NAA50: variants seen among roughly 807,000 people sequenced by gnomAD.
NAA50 encodes N-alpha-acetyltransferase 50, NatE catalytic subunit, also known as N-alpha-acetyltransferase 50.
Under a neutral mutation model 20.7 loss-of-function variants are expected in NAA50, and 7 were observed. The observed-to-expected ratio is 0.34, with a 90% confidence interval of 0.19 to 0.63. The LOEUF (loss-of-function observed/expected upper bound fraction) is 0.63. Ranked by LOEUF, NAA50 falls within the 30% of genes least tolerant of loss-of-function variation. NAA50 has a pLI of 0.75. For synonymous variants in NAA50, 54 were observed against 70.6 expected (o/e 0.77, Z 1.18); for missense variants, 111 against 199.1 (o/e 0.56, Z 2.66).
chr3:113,729,505 TAA>T lies in NAA50; in HGVS notation c.9-5412_9-5411del, dbSNP rs566996626. Among the ~76,000 whole-genome samples, 338 of 152,160 alleles carry T rather than the reference TAA, an allele frequency of 2.2e-3. 2 individuals carry two copies. The highest frequency in any genetic ancestry group is 4.1e-3 in the Non-Finnish European group (278 of 68,004). ...TTTTTGCTGGCAATACTCCTTGTTT[TAA>T]AGTCTACTTTGTTCATTAATACGCA... On this transcript the variant is annotated intron_variant, in intron 1 of 4. Coordinates refer to ENST00000240922, the MANE Select transcript of NAA50 (RefSeq NM_025146.4).
chr3:113,743,542 C>T (rs924982087), intron 1 of NAA50, among the ~76,000 whole-genome samples: 2 of 152,120 alleles, frequency 1.3e-5, no homozygotes, highest in African/African-American at 2.4e-5. Context: ...TCCGAACAAG[C>T]ACAAGTAAGA....
chr3:113,722,256 GA>G (rs34051587), intron 4 of NAA50, among the ~76,000 whole-genome samples: 4 of 151,348 alleles, frequency 2.6e-5, no homozygotes, highest in African/African-American at 7.3e-5. Flanking sequence ...TTAACACACA[GA>G]AAAAAAATGA....
intron 1 of NAA50, among the ~76,000 whole-genome samples, chr3:113,732,370 A>AGG (rs1281235364): frequency 2.0e-5 from 3 of 152,214 alleles, no homozygotes. Flanking sequence ...ATTCTTCTCA[A>AGG]GGGCCTCTAG....
At chr3:113,731,817 A>C (rs200588748) in intron 1 of NAA50, among the ~76,000 whole-genome samples, 2 of 152,200 alleles carry the variant, frequency 1.3e-5, no homozygotes, top group Non-Finnish European at 2.9e-5. Flanking sequence ...ATTGCTGAAT[A>C]GTATTCTATT....
chr3:113,746,120 A>G lies in NAA50; in HGVS notation c.-171T>C. Reference sequence around the variant, plus strand: ...GCCGCGAGAGTCGAGTGAGGGCTTGAGTCTGGTGGGGGCGGGAGTGTCTCC... The same window carrying G: ...GCCGCGAGAGTCGAGTGAGGGCTTGGGTCTGGTGGGGGCGGGAGTGTCTCC... On this transcript the variant is annotated 5_prime_UTR_variant, in exon 1 of 5. Coordinates refer to ENST00000240922, the MANE Select transcript of NAA50 (RefSeq NM_025146.4). 1 of 783,246 alleles carries G rather than the reference A, an allele frequency of 1.3e-6. No homozygotes were observed. The allele number at this position is 783,246 out of a possible 1,614,324, so 48.5% of individuals were successfully genotyped here.
chr3:113,733,881 G>GA lies in NAA50; in HGVS notation c.9-9787dup, dbSNP rs1468168845. Among the ~76,000 whole-genome samples the GA allele has an allele frequency of 5.2e-4, 68 of 130,358 alleles. 1 individual carries two copies. The highest frequency in any genetic ancestry group is 1.8e-3 in the African/African-American group (62 of 33,876). The allele number at this position is 130,358 out of a possible 152,430, so 85.5% of individuals were successfully genotyped here. A position where few individuals can be genotyped will look rare whatever the true frequency, so the allele number is the denominator to read the frequency against. ...AAAAAAAAAAAAAAAAAAAAAGACA[G>GA]AAAAAATATTCATATTAAATATTAA... On this transcript the variant is annotated intron_variant, in intron 1 of 4. Coordinates refer to ENST00000240922, the MANE Select transcript of NAA50 (RefSeq NM_025146.4).
At chr3:113,727,281 T>A (rs1207601532) in intron 1 of NAA50, among the ~76,000 whole-genome samples, 3 of 152,214 alleles carry the variant, frequency 2.0e-5, no homozygotes, top group Non-Finnish European at 4.4e-5. Context: ...AATTACATTA[T>A]GAAGTTGAAG....
chr3:113,734,847 A>C (rs1207002025), intron 1 of NAA50, among the ~76,000 whole-genome samples: 3 of 152,108 alleles, frequency 2.0e-5, no homozygotes, highest in Admixed American at 2.0e-4. Context: ...TTTTTTTTCC[A>C]TCAAAACTAG....
At chr3:113,729,546 CTTT>C (rs564619731) in intron 1 of NAA50, among the ~76,000 whole-genome samples, 1 of 94,438 alleles carries the variant, frequency 1.1e-5, no homozygotes. Flanking sequence ...TTCTTTCTTT[CTTT>C]TTTTTTTTTT....
chr3:113,729,475 T>C (rs1421857494), intron 1 of NAA50, among the ~76,000 whole-genome samples: 8 of 152,242 alleles, frequency 5.3e-5, no homozygotes, highest in African/African-American at 1.7e-4. Flanking sequence ...CATTTTGAAA[T>C]ATCCTTTTTG....
rs1267569597 is a variant in NAA50 at position 113,718,307 on chromosome 3, T to C, written c.*3453A>G. On this transcript the variant is annotated 3_prime_UTR_variant, in exon 5 of 5. Transcript: ENST00000240922. ...GTCAAGCTTCAAGATGGTACAGTCC[T>C]GGCTAACAGCTTGACTGCAACCTTC... 6.6e-6 allele frequency: 1 copy of C among 152,202 alleles called. No homozygotes were observed. Among genetic ancestry groups the C allele is most frequent in the Non-Finnish European group, 1.5e-5 (1 of 68,036 alleles). The allele number at this position is 152,202 out of a possible 1,614,324, so 9.4% of individuals were successfully genotyped here.
At chr3:113,740,044 T>C (rs1249172819) in intron 1 of NAA50, among the ~76,000 whole-genome samples, 2 of 152,048 alleles carry the variant, frequency 1.3e-5, no homozygotes, top group South Asian at 4.1e-4. Context: ...AGTATCCACA[T>C]TTACAAGAGG....
chr3:113,723,837 C>A (rs1231446842), intron 2 of NAA50, 122 bp downstream of exon 2: 4 of 1,127,416 alleles, frequency 3.5e-6, no homozygotes, highest in Non-Finnish European at 4.8e-6. Context: ...AGACCACTCC[C>A]ATTTCCTCAC....
Position 113,723,408 on chromosome 3 carries a change from C to A in NAA50, c.265+14G>T, listed in dbSNP as rs776610154. ...ATGCTTCTCTGAAGAAGTAAAAAAA[C>A]CACAATTTTTTACCTATTCCTAGCC... On this transcript the variant is annotated intron_variant, in intron 3 of 4. Transcript: ENST00000240922. 31 of 1,592,520 alleles carry A rather than the reference C, an allele frequency of 1.9e-5. No individual in the cohort carries two copies. The highest frequency in any genetic ancestry group is 1.7e-4 in the Middle Eastern group (1 of 5,944).
intron 1 of NAA50, among the ~76,000 whole-genome samples, chr3:113,731,516 G>A (rs202064450): frequency 1.3e-5 from 2 of 151,732 alleles, no homozygotes; most frequent in Non-Finnish European, 2.9e-5. Flanking sequence ...TGTTTTAAGT[G>A]CACACTTCAG....
intron 1 of NAA50, 46 bp from the exon 2 acceptor site, chr3:113,724,141 T>C: frequency 2.7e-6 from 4 of 1,456,188 alleles, no homozygotes; most frequent in Non-Finnish European, 1.8e-6. Context: ...TTAGCCCCAT[T>C]TGTTAATATG....
intron 1 of NAA50, among the ~76,000 whole-genome samples, chr3:113,737,476 CCACT>C (rs1486478405): frequency 1.3e-5 from 2 of 152,194 alleles, no homozygotes; most frequent in African/African-American, 4.8e-5. Context: ...AACCTGTCAC[CCACT>C]GAGATTTCTA....
chr3:113,723,604 C>T (rs1017211452), intron 2 of NAA50, 63 bp from the exon 3 acceptor site: 1 of 1,502,488 alleles, frequency 6.7e-7, no homozygotes, highest in African/African-American at 1.4e-5. Context: ...AATCTTTTTC[C>T]CTTTTAAAGG....
At chr3:113,744,166 A>G (rs1423159522) in intron 1 of NAA50, among the ~76,000 whole-genome samples, 1 of 152,214 alleles carries the variant, frequency 6.6e-6, no homozygotes, top group Non-Finnish European at 1.5e-5. Flanking sequence ...ACCATGTTCA[A>G]GAAGTGCAGT....
Sources: allele counts gnomAD v4.1 joint callset (sites outside exome capture counted in the v4.1 genomes callset), GRCh38; gene constraint gnomAD v4.1.1; transcripts MANE v1.5; gene names NCBI Gene and HGNC (gene_info 2026-07-23, HGNC 2026-07-21).